The following CHD9NB variants were observed in gnomAD, a reference collection of about 807,000 sequenced individuals.
CHD9NB encodes the protein CHD9 neighbor protein.
the CHD9NB span, among the ~76,000 whole-genome samples, chr16:53,040,179 C>T: frequency 2.0e-5 from 3 of 152,218 alleles, no homozygotes; most frequent in Non-Finnish European, 1.5e-5. Context: ...AAGCGATTCT[C>T]GTGCGTCAGC....
the CHD9NB span, among the ~76,000 whole-genome samples, chr16:53,038,683 T>A: frequency 6.6e-6 from 1 of 151,996 alleles, no homozygotes; most frequent in African/African-American, 2.4e-5. Context: ...ACACCCCCCC[T>A]GCACCCCCTG....
At chr16:53,038,915 T>C in the CHD9NB span, among the ~76,000 whole-genome samples, 1 of 152,214 alleles carries the variant, frequency 6.6e-6, no homozygotes, top group East Asian at 1.9e-4. Flanking sequence ...AAGAGTGATA[T>C]AAGTGTTTGC....
the CHD9NB span, among the ~76,000 whole-genome samples, chr16:53,052,125 T>A: frequency 6.7e-6 from 1 of 149,706 alleles, no homozygotes; most frequent in Non-Finnish European, 1.5e-5. Context: ...GTGTCTATAA[T>A]CCCAGCTACT....
At chr16:53,049,214 C>T in the CHD9NB span, among the ~76,000 whole-genome samples, 3 of 151,632 alleles carry the variant, frequency 2.0e-5, no homozygotes, top group Middle Eastern at 3.2e-3. Flanking sequence ...TGCAGTGGAG[C>T]GATCATGCAT....
chr16:53,044,752 C>G, the CHD9NB span, among the ~76,000 whole-genome samples: 1 of 152,120 alleles, frequency 6.6e-6, no homozygotes, highest in Non-Finnish European at 1.5e-5. Flanking sequence ...AGTTCACATC[C>G]ATTATTTGTT....
chr16:53,049,990 C>A, the CHD9NB span, among the ~76,000 whole-genome samples: 2 of 152,044 alleles, frequency 1.3e-5, no homozygotes, highest in African/African-American at 4.8e-5. Flanking sequence ...GATCACTTGA[C>A]GTCAGGAGTT....
the CHD9NB span, among the ~76,000 whole-genome samples, chr16:53,038,611 A>T: frequency 6.6e-6 from 1 of 152,206 alleles, no homozygotes; most frequent in East Asian, 1.9e-4. Context: ...TCGGCCTCCC[A>T]AAGTGCTGGG....
At chr16:53,046,154 T>C in the CHD9NB span, among the ~76,000 whole-genome samples, 1 of 152,078 alleles carries the variant, frequency 6.6e-6, no homozygotes, top group East Asian at 1.9e-4. Flanking sequence ...ACCTTCCAAT[T>C]AAGATGCCCT....
chr16:53,044,217 G>A, the CHD9NB span: 4 of 398,506 alleles, frequency 1.0e-5, no homozygotes, highest in Non-Finnish European at 1.8e-5. Flanking sequence ...GAAGGTCTGT[G>A]CCTTCCTCCT....
At chr16:53,039,195 A>G in the CHD9NB span, among the ~76,000 whole-genome samples, 1 of 152,206 alleles carries the variant, frequency 6.6e-6, no homozygotes, top group East Asian at 1.9e-4. Flanking sequence ...ACCACTGTAA[A>G]CAAACAAACA....
At chr16:53,051,632 G>A in the CHD9NB span, among the ~76,000 whole-genome samples, 3 of 146,440 alleles carry the variant, frequency 2.0e-5, no homozygotes, top group Non-Finnish European at 3.0e-5. Flanking sequence ...GGTAGGGGGA[G>A]GGGGGAGGGA....
the CHD9NB span, among the ~76,000 whole-genome samples, chr16:53,037,682 A>G: frequency 3.3e-5 from 5 of 152,206 alleles, no homozygotes; most frequent in African/African-American, 1.2e-4. Flanking sequence ...GATAAGAGTT[A>G]TTTCTACACC....
At chr16:53,039,723 T>G in the CHD9NB span, among the ~76,000 whole-genome samples, 1 of 135,482 alleles carries the variant, frequency 7.4e-6, no homozygotes, top group African/African-American at 2.8e-5. Flanking sequence ...CCAGCCTGGG[T>G]GACAGAGATT....
the CHD9NB span, among the ~76,000 whole-genome samples, chr16:53,051,243 A>G: frequency 6.6e-6 from 1 of 152,154 alleles, no homozygotes; most frequent in African/African-American, 2.4e-5. Context: ...TCCCTTTCTT[A>G]CTAAAAATTA....
the CHD9NB span, among the ~76,000 whole-genome samples, chr16:53,050,895 CT>C: frequency 2.0e-5 from 3 of 149,712 alleles, no homozygotes; most frequent in African/African-American, 2.4e-5. Context: ...TCCTCACCCT[CT>C]TTTTTTTTTG....
At chr16:53,042,587 C>T in the CHD9NB span, among the ~76,000 whole-genome samples, 3 of 150,748 alleles carry the variant, frequency 2.0e-5, no homozygotes, top group African/African-American at 4.9e-5. Context: ...CTCTTCCTCC[C>T]TCCCCGTCCC....
At chr16:53,045,383 T>C in the CHD9NB span, among the ~76,000 whole-genome samples, 3 of 152,058 alleles carry the variant, frequency 2.0e-5, no homozygotes, top group Admixed American at 2.0e-4. Flanking sequence ...TGGGTAAAGG[T>C]TTTTGCAGCT....
At chr16:53,042,143 T>G in the CHD9NB span, among the ~76,000 whole-genome samples, 8,676 of 152,164 alleles carry the variant, frequency 0.057, 821 homozygotes, top group African/African-American at 0.2. Flanking sequence ...TTGCAGCACC[T>G]TACTGCTTCG....
At chr16:53,041,155 T>TGATG in the CHD9NB span, among the ~76,000 whole-genome samples, 1 of 152,328 alleles carries the variant, frequency 6.6e-6, no homozygotes, top group East Asian at 1.9e-4. Flanking sequence ...CATGGATGGA[T>TGATG]GATGGATGGA....
Sources: allele counts gnomAD v4.1 joint callset (sites outside exome capture counted in the v4.1 genomes callset), GRCh38; gene constraint gnomAD v4.1.1; transcripts MANE v1.5; gene names NCBI Gene and HGNC (gene_info 2026-07-23, HGNC 2026-07-21).